The following HK2 variants were observed in gnomAD, a reference collection of about 807,000 sequenced individuals.
The protein encoded by HK2 is hexokinase 2, also known as hexokinase-2.
Under a neutral mutation model 92.9 loss-of-function variants are expected in HK2, and 42 were observed. The ratio of observed to expected loss-of-function variants is 0.45; its 90% CI spans 0.35 to 0.58. The LOEUF (loss-of-function observed/expected upper bound fraction) is 0.58, where lower values mean the gene tolerates loss of function less well. Among genes scored for constraint, HK2 ranks in the 20% least tolerant of loss-of-function variants. HK2 has a pLI of 0.00. For synonymous variants in HK2, 422 were observed against 468.0 expected, an observed-to-expected ratio of 0.90 and a Z score of 1.27; for missense variants, 978 against 1,245.1, an observed-to-expected ratio of 0.79 and a Z score of 3.23.
intron 1 of HK2, among the ~76,000 whole-genome samples, chr2:74,836,672 A>T (rs1313556281): frequency 1.3e-5 from 2 of 152,178 alleles, no homozygotes; most frequent in African/African-American, 4.8e-5. Context: ...TAACTCAGTA[A>T]TTGTCAGAAC....
rs180834067 is a variant in HK2, at chr2:74,868,415, C to T, written c.375+631C>T. ...AAAGAGATTGGGTCCTGTATTCAGG[C>T]ACTCTAGCTGTGTGATTCTGGGCAA... On this transcript the variant is annotated intron_variant, in intron 3 of 17. Coordinates refer to ENST00000290573, the MANE Select transcript of HK2 (RefSeq NM_000189.5). Among the ~76,000 whole-genome samples the T allele has an allele frequency of 1.0e-3, 155 of 152,240 alleles. 1 individual carries two copies. The highest frequency in any genetic ancestry group is 3.6e-3 in the African/African-American group (148 of 41,530).
Position 74,893,311 on chromosome 2 carries a change from T to A in HK2, c.*2370T>A, listed in dbSNP as rs1689728046. The A allele has an allele frequency of 6.6e-6, 1 of 152,228 alleles. No homozygotes were observed. The highest frequency in any genetic ancestry group is 2.4e-5 in the African/African-American group (1 of 41,468). 9.4% of individuals were successfully genotyped at this position (152,228 alleles called of 1,614,324 possible). On this transcript the variant is annotated 3_prime_UTR_variant, in exon 18 of 18. Transcript: ENST00000290573. ...TACATAACTAGTTTAATTAACTATGTGATGTTAACTATTATTAATAAATTT... is the reference window on the plus strand; with the variant it reads ...TACATAACTAGTTTAATTAACTATGAGATGTTAACTATTATTAATAAATTT...
chr2:74,835,568 A>T (rs573152132), intron 1 of HK2, among the ~76,000 whole-genome samples: 1 of 152,092 alleles, frequency 6.6e-6, no homozygotes, highest in African/African-American at 2.4e-5. Flanking sequence ...GCCTCAGGCC[A>T]AGCCGGGAAG....
chr2:74,863,687 T>G (rs575859223), intron 2 of HK2, among the ~76,000 whole-genome samples: 1 of 152,292 alleles, frequency 6.6e-6, no homozygotes, highest in African/African-American at 2.4e-5. Flanking sequence ...TCCACTGTTG[T>G]GTGCTAGCAG....
intron 10 of HK2, 122 bp downstream of exon 10, chr2:74,880,691 A>G: frequency 1.0e-6 from 1 of 986,552 alleles, no homozygotes; most frequent in Non-Finnish European, 1.6e-6. Flanking sequence ...CTTCAGCCGT[A>G]TTACTAGGGA....
At chr2:74,847,494 G>A (rs927421595) in intron 1 of HK2, among the ~76,000 whole-genome samples, 1 of 152,000 alleles carries the variant, frequency 6.6e-6, no homozygotes, top group Non-Finnish European at 1.5e-5. Context: ...TCTGGACAAC[G>A]CAGTGAGACT....
chr2:74,854,458 A>G lies in HK2; in HGVS notation c.226+3A>G, dbSNP rs372897379. ...GAGGTCCACTCCAGATGGGACAGGT[A>G]CTGCATCTGGGGGATGGCTCTAGCT... On this transcript the variant is annotated splice_donor_region_variant and intron_variant, in intron 2 of 17. Coordinates refer to ENST00000290573, the MANE Select transcript of HK2 (RefSeq NM_000189.5). 3.1e-6 allele frequency: 5 copies of G among 1,614,116 alleles called. No homozygotes were observed. The African/African-American group carries it at 5.3e-5, about 17-fold the overall frequency.
At chr2:74,844,551 G>A (rs1438901626) in intron 1 of HK2, among the ~76,000 whole-genome samples, 1 of 152,220 alleles carries the variant, frequency 6.6e-6, no homozygotes, top group African/African-American at 2.4e-5. Context: ...ATCTTGGGGT[G>A]GATGGGGCAG....
At chr2:74,849,567 A>G (rs1324331737) in intron 1 of HK2, among the ~76,000 whole-genome samples, 1 of 152,190 alleles carries the variant, frequency 6.6e-6, no homozygotes, top group Admixed American at 6.5e-5. Flanking sequence ...AGCCTTGTCC[A>G]TGCCCATCAC....
At chr2:74,870,368 G>T (rs1689067661) in intron 3 of HK2, among the ~76,000 whole-genome samples, 1 of 152,080 alleles carries the variant, frequency 6.6e-6, no homozygotes, top group Non-Finnish European at 1.5e-5. Context: ...ACTATATTGG[G>T]CAGGGCAGTA....
Position 74,854,346 on chromosome 2 carries a change from C to A in HK2, c.117C>A (p.Ile39=). Reference sequence around the variant, plus strand: ...TCTCTGATGAGACCCTCTTGGAGATCTCTAAGCGGTTCCGCAAGGAGATGG... The same window carrying A: ...TCTCTGATGAGACCCTCTTGGAGATATCTAAGCGGTTCCGCAAGGAGATGG... ...MRLSDETLLE[I]SKRFRKEMEK... Residue 39 remains isoleucine (I), a synonymous_variant, in exon 2 of 18, where the codon ATC becomes ATA. Transcript: ENST00000290573. 6.2e-7 allele frequency: 1 copy of A among 1,613,696 alleles called. No individual in the cohort carries two copies. The highest frequency in any genetic ancestry group is 1.3e-5 in the African/African-American group (1 of 75,038).
intron 1 of HK2, among the ~76,000 whole-genome samples, chr2:74,845,980 G>C (rs935630540): frequency 6.6e-6 from 1 of 152,208 alleles, no homozygotes; most frequent in Non-Finnish European, 1.5e-5. Flanking sequence ...GCTTTCCCAG[G>C]GTGGGCACAC....
intron 3 of HK2, among the ~76,000 whole-genome samples, chr2:74,868,578 A>G (rs1689019008): frequency 6.6e-6 from 1 of 152,146 alleles, no homozygotes; most frequent in South Asian, 2.1e-4. Context: ...TTTTTTTCAC[A>G]GGGGTTTTTG....
At chr2:74,874,066 A>C (rs1689164888) in intron 6 of HK2, 123 bp downstream of exon 6, 1 of 973,412 alleles carries the variant, frequency 1.0e-6, no homozygotes, top group Admixed American at 2.0e-5. Context: ...ATAATGGTCC[A>C]GTCACTTTGG....
rs904130411 is a variant in HK2, at chr2:74,834,903, C to A, written c.63+260C>A. Among the ~76,000 whole-genome samples, 1 of 152,332 alleles carries A rather than the reference C, an allele frequency of 6.6e-6. No individual in the cohort carries two copies. The highest frequency in any genetic ancestry group is 2.4e-5 in the African/African-American group (1 of 41,580). On this transcript the variant is annotated intron_variant, in intron 1 of 17. Transcript: ENST00000290573. The surrounding 1 kb of genome is among the most constrained non-coding windows in gnomAD (Gnocchi z 4.2). Reference sequence around the variant, plus strand: ...CTGAGCTCCGGCACGCGCTCACGCTCTCTCCCCCAGTCCCTTTTTCCCTGT... The same window carrying A: ...CTGAGCTCCGGCACGCGCTCACGCTATCTCCCCCAGTCCCTTTTTCCCTGT...
Position 74,880,254 on chromosome 2 carries a change from G to C in HK2, c.1266-11G>C. On this transcript the variant is annotated splice_polypyrimidine_tract_variant and intron_variant, in intron 9 of 17. Transcript: ENST00000290573. Reference sequence around the variant, plus strand: ...GGACACCTGTCTCTTACCCGCCCTGGGGAACTGCAGTTTTGCCAAGCGTCT... The same window carrying C: ...GGACACCTGTCTCTTACCCGCCCTGCGGAACTGCAGTTTTGCCAAGCGTCT... 6.2e-7 allele frequency: 1 copy of C among 1,613,996 alleles called. No homozygotes were observed. Among genetic ancestry groups the C allele is most frequent in the African/African-American group, 1.3e-5 (1 of 75,038 alleles).
intron 7 of HK2, among the ~76,000 whole-genome samples, chr2:74,876,510 G>A (rs527343691): frequency 2.4e-4 from 37 of 152,332 alleles, no homozygotes; most frequent in African/African-American, 8.9e-4. Flanking sequence ...TGGTTTGGGG[G>A]CCGTCCCCTG....
At chr2:74,868,985 ATCCAT>A (rs1011600948) in intron 3 of HK2, among the ~76,000 whole-genome samples, 1 of 152,238 alleles carries the variant, frequency 6.6e-6, no homozygotes, top group Admixed American at 6.5e-5. Context: ...GAGAAAAAAA[ATCCAT>A]TTTAAACATT....
At position 74,885,583 on chromosome 2, in the gene HK2, G is replaced by T. The variant is rs760258042; in HGVS notation, c.1929G>T (p.Arg643=). 3.1e-6 allele frequency: 5 copies of T among 1,609,852 alleles called. No individual in the cohort carries two copies. The East Asian group carries it at 1.1e-4, about 36-fold the overall frequency. The change falls in exon 13 of 18, where the codon CGG becomes CGT. Residue 643 remains arginine (R), a synonymous_variant. Transcript: ENST00000290573. The part of the protein sequence containing the change: ...VVTLLKEAIH[R]REEFDLDVVA... ...CCCTGCTGAAGGAAGCGATCCACCG[G>T]CGAGAGGTAGGAGACACATGGCACG...
Sources: allele counts gnomAD v4.1 joint callset (sites outside exome capture counted in the v4.1 genomes callset), GRCh38; gene constraint gnomAD v4.1.1; non-coding constraint Gnocchi (gnomAD v3.1); transcripts MANE v1.5; gene names NCBI Gene and HGNC (gene_info 2026-07-23, HGNC 2026-07-21).